FAM120A: variants seen among roughly 807,000 people sequenced by gnomAD.
FAM120A encodes the protein family with sequence similarity 120 member A.
FAM120A carries 15 observed loss-of-function variants against 109.7 expected under a neutral mutation model. That is an observed-to-expected ratio of 0.14 (90% CI 0.09 to 0.21). The LOEUF (loss-of-function observed/expected upper bound fraction) is 0.21, where lower values mean the gene tolerates loss of function less well. Among genes scored for constraint, FAM120A ranks in the 10% least tolerant of loss-of-function variants. The pLI, the probability that FAM120A is intolerant of heterozygous loss-of-function variation, is 1.00. For missense variants in FAM120A, 899 were observed against 1,439.3 expected, an observed-to-expected ratio of 0.62 and a Z score of 6.07; for synonymous variants, 493 against 572.8, an observed-to-expected ratio of 0.86 and a Z score of 1.99.
intron 10 of FAM120A, among the ~76,000 whole-genome samples, chr9:93,540,802 G>A (rs755376408): frequency 6.6e-6 from 1 of 152,144 alleles, no homozygotes; most frequent in Non-Finnish European, 1.5e-5. Context: ...GACGAACTCT[G>A]CAGAGGCCTA....
rs570785438 is a variant in FAM120A, at chr9:93,532,084, T to C, written c.1735-71T>C. ...GTCATTAACTGGAGATAATACAGTATATTTCTGTGAGTGTATTGTAAATTC... is the reference window on the plus strand; with the variant it reads ...GTCATTAACTGGAGATAATACAGTACATTTCTGTGAGTGTATTGTAAATTC... On this transcript the variant is annotated intron_variant, in intron 9 of 17. Coordinates refer to ENST00000277165, the MANE Select transcript of FAM120A (RefSeq NM_014612.5). The surrounding 1 kb of genome is among the most constrained non-coding windows in gnomAD (Gnocchi z 4.3). 5.1e-6 allele frequency: 7 copies of C among 1,382,736 alleles called. No individual in the cohort carries two copies. In the African/African-American group the frequency reaches 8.6e-5, roughly 17 times the overall value. The allele number at this position is 1,382,736 out of a possible 1,614,324, so 85.7% of individuals were successfully genotyped here. A position where few individuals can be genotyped will look rare whatever the true frequency, so the allele number is the denominator to read the frequency against.
At chr9:93,541,163 G>A (rs1352072172) in intron 10 of FAM120A, among the ~76,000 whole-genome samples, 1 of 152,082 alleles carries the variant, frequency 6.6e-6, no homozygotes, top group African/African-American at 2.4e-5. Context: ...TGATGTGTGT[G>A]TCCTATGTGT....
At chr9:93,487,189 C>T (rs150165868) in intron 3 of FAM120A, among the ~76,000 whole-genome samples, 177 of 152,004 alleles carry the variant, frequency 1.2e-3, no homozygotes, top group African/African-American at 4.1e-3. Flanking sequence ...TGAGACAGAG[C>T]CTCGCTCTGT....
chr9:93,464,607 GT>G (rs913036071), intron 1 of FAM120A, among the ~76,000 whole-genome samples: 1 of 152,192 alleles, frequency 6.6e-6, no homozygotes, highest in Non-Finnish European at 1.5e-5. Flanking sequence ...TACAGAAGGA[GT>G]TTTAGAGTTT....
At chr9:93,506,851 C>T (rs1347323774) in intron 5 of FAM120A, among the ~76,000 whole-genome samples, 1 of 152,114 alleles carries the variant, frequency 6.6e-6, no homozygotes, top group Non-Finnish European at 1.5e-5. Context: ...CCACCTCGGC[C>T]TCCCAAAGTG....
At chr9:93,495,552 T>C (rs1309272322) in intron 3 of FAM120A, among the ~76,000 whole-genome samples, 1 of 152,234 alleles carries the variant, frequency 6.6e-6, no homozygotes, top group Non-Finnish European at 1.5e-5. Flanking sequence ...CCAGTACATG[T>C]AATAGAAATG....
intron 3 of FAM120A, among the ~76,000 whole-genome samples, chr9:93,492,306 C>T (rs969430845): frequency 6.6e-6 from 1 of 152,062 alleles, no homozygotes; most frequent in African/African-American, 2.4e-5. Flanking sequence ...TCCTAGAATA[C>T]CTTTTAGTAC....
At chr9:93,550,777 G>T in intron 12 of FAM120A, 86 bp downstream of exon 12, 1 of 927,912 alleles carries the variant, frequency 1.1e-6, no homozygotes. Context: ...AGGCAGAATT[G>T]CTAATTCTTT....
rs1310664101 is a variant in FAM120A, at chr9:93,542,064, G to A, written c.1910-1158G>A. ...AGAATGCCTTAGGTATTACTTTAGA[G>A]AAGACAAACCCAGAGAGATTAATGT... On this transcript the variant is annotated intron_variant, in intron 10 of 17. Coordinates refer to ENST00000277165, the MANE Select transcript of FAM120A (RefSeq NM_014612.5). Among the ~76,000 whole-genome samples, 3 of 152,206 alleles carry A rather than the reference G, an allele frequency of 2.0e-5. No individual in the cohort carries two copies. The East Asian group carries it at 5.8e-4, about 29-fold the overall frequency.
At chr9:93,463,167 T>C (rs940396567) in intron 1 of FAM120A, among the ~76,000 whole-genome samples, 2 of 152,188 alleles carry the variant, frequency 1.3e-5, no homozygotes, top group East Asian at 1.9e-4. Flanking sequence ...CCATATATTC[T>C]TGTTGACATT....
rs1377019590 is a variant in FAM120A at position 93,452,544 on chromosome 9, AGATG to A, written c.474+161_474+164del. The A allele has an allele frequency of 1.3e-6, 2 of 1,576,702 alleles. No individual in the cohort carries two copies. Among genetic ancestry groups the A allele is most frequent in the Non-Finnish European group, 1.7e-6 (2 of 1,167,712 alleles). ...GATAGCCTGGCCGGGCCGGGCTGCA[AGATG>A]GATGGCCGCGGGTGCAGGCCGCGCG... On this transcript the variant is annotated intron_variant, in intron 1 of 17. Coordinates refer to ENST00000277165, the MANE Select transcript of FAM120A (RefSeq NM_014612.5). The surrounding 1 kb of genome is among the most constrained non-coding windows in gnomAD (Gnocchi z 7.0).
chr9:93,505,417 A>AAT (rs1860002675), intron 5 of FAM120A, among the ~76,000 whole-genome samples: 1 of 152,084 alleles, frequency 6.6e-6, no homozygotes. Context: ...AGGGATACTT[A>AAT]ATATATATAT....
At chr9:93,457,860 T>A (rs1857619496) in intron 1 of FAM120A, among the ~76,000 whole-genome samples, 1 of 152,164 alleles carries the variant, frequency 6.6e-6, no homozygotes, top group Admixed American at 6.5e-5. Flanking sequence ...TCTTTTCCTG[T>A]CTGCCTCCTT....
chr9:93,480,124 T>C (rs912546124), intron 3 of FAM120A, among the ~76,000 whole-genome samples: 14 of 152,214 alleles, frequency 9.2e-5, no homozygotes, highest in African/African-American at 3.4e-4. Context: ...GTAAGGTGAC[T>C]TCTTCATACC....
At chr9:93,509,034 C>A (rs1860196398) in intron 5 of FAM120A, among the ~76,000 whole-genome samples, 1 of 152,224 alleles carries the variant, frequency 6.6e-6, no homozygotes. Context: ...GCCACTCAGA[C>A]CCTGGAGGTC....
In FAM120A at chr9:93,451,733, G is replaced by T; in HGVS notation, c.-183G>T. On this transcript the variant is annotated 5_prime_UTR_variant, in exon 1 of 18. Coordinates refer to ENST00000277165, the MANE Select transcript of FAM120A (RefSeq NM_014612.5). ...GGCGGCGGCGGCAGGTCCCTCCCCA[G>T]ACATGGCCCTGGGAGGCGGCAGCAC... 1 of 980,400 alleles carries T rather than the reference G, an allele frequency of 1.0e-6. No homozygotes were observed. Among genetic ancestry groups the T allele is most frequent in the Non-Finnish European group, 1.2e-6 (1 of 830,566 alleles). The allele number at this position is 980,400 out of a possible 1,614,324, so 60.7% of individuals were successfully genotyped here.
At chr9:93,470,411 G>A (rs778144262) in intron 1 of FAM120A, among the ~76,000 whole-genome samples, 1 of 152,154 alleles carries the variant, frequency 6.6e-6, no homozygotes, top group Non-Finnish European at 1.5e-5. Context: ...TTGCTCCTTC[G>A]TGTGTTGTGG....
chr9:93,565,689 G>T lies in FAM120A; in HGVS notation c.*1149G>T, dbSNP rs1300531564. ...GAAATTCTGTGAAAAAAAACCCTTT[G>T]ATCTTAAAAAAAAAAAAACCACCCC... On this transcript the variant is annotated 3_prime_UTR_variant, in exon 18 of 18. Coordinates refer to ENST00000277165, the MANE Select transcript of FAM120A (RefSeq NM_014612.5). 1 of 144,968 alleles carries T rather than the reference G, an allele frequency of 6.9e-6. No individual in the cohort carries two copies. Among genetic ancestry groups the T allele is most frequent in the Non-Finnish European group, 1.5e-5 (1 of 66,454 alleles). 9.0% of individuals were successfully genotyped at this position (144,968 alleles called of 1,614,324 possible).
chr9:93,565,530 C>T lies in FAM120A; in HGVS notation c.*990C>T, dbSNP rs1862603712. The T allele has an allele frequency of 6.6e-6, 1 of 152,336 alleles. No individual in the cohort carries two copies. The highest frequency in any genetic ancestry group is 1.5e-5 in the Non-Finnish European group (1 of 68,010). 9.4% of individuals were successfully genotyped at this position (152,336 alleles called of 1,614,324 possible). A position where few individuals can be genotyped will look rare whatever the true frequency, so the allele number is the denominator to read the frequency against. On this transcript the variant is annotated 3_prime_UTR_variant, in exon 18 of 18. Coordinates refer to ENST00000277165, the MANE Select transcript of FAM120A (RefSeq NM_014612.5). ...AACCTTAAAATTTTGTGATTATTGA[C>T]CTCTGTTGCATTTATTCTAAAGCCC...
Sources: allele counts gnomAD v4.1 joint callset (sites outside exome capture counted in the v4.1 genomes callset), GRCh38; gene constraint gnomAD v4.1.1; non-coding constraint Gnocchi (gnomAD v3.1); transcripts MANE v1.5; gene names NCBI Gene and HGNC (gene_info 2026-07-23, HGNC 2026-07-21).